Variants in UPF2 observed in about 807,000 individuals in gnomAD.
The protein encoded by UPF2 is regulator of nonsense transcripts 2.
Under a neutral mutation model 141.4 loss-of-function variants are expected in UPF2, and 17 were observed. That is an observed-to-expected ratio of 0.12 (90% CI 0.08 to 0.18). The LOEUF is 0.18. UPF2 is among the 10% of genes least tolerant of loss of function. The pLI is 1.00. For missense variants in UPF2, 1,152 were observed against 1,515.9 expected, an observed-to-expected ratio of 0.76 and a Z score of 3.99; for synonymous variants, 540 against 498.0, an observed-to-expected ratio of 1.08 and a Z score of -1.12.
At chr10:11,997,153 ATG>A (rs1317244041) in intron 8 of UPF2, among the ~76,000 whole-genome samples, 1 of 152,292 alleles carries the variant, frequency 6.6e-6, no homozygotes, top group African/African-American at 2.4e-5. Flanking sequence ...ATGCAACTGA[ATG>A]TGTGTCTTGA....
chr10:12,034,635 A>G (rs1834589466), intron 2 of UPF2, among the ~76,000 whole-genome samples: 1 of 152,168 alleles, frequency 6.6e-6, no homozygotes, highest in South Asian at 2.1e-4. Flanking sequence ...GTGAAACGCC[A>G]TCTCTACAAA....
intron 16 of UPF2, among the ~76,000 whole-genome samples, chr10:11,947,766 A>C (rs985993663): frequency 1.4e-5 from 2 of 146,406 alleles, no homozygotes; most frequent in Admixed American, 6.9e-5. Context: ...CAGCCTTGGC[A>C]ACAGAGAGAA....
At chr10:11,984,975 A>ATGTG (rs1833663357) in intron 8 of UPF2, among the ~76,000 whole-genome samples, 1 of 152,174 alleles carries the variant, frequency 6.6e-6, no homozygotes, top group South Asian at 2.1e-4. Context: ...GGCCTCCCAC[A>ATGTG]GTGCTGGGAT....
At position 11,964,183 on chromosome 10, in the gene UPF2, G is replaced by A. The variant is rs1833282757; in HGVS notation, c.2068-58C>T. 3.9e-5 allele frequency: 51 copies of A among 1,298,666 alleles called. 3 individuals are homozygous for A. The South Asian group carries it at 6.2e-4, about 16-fold the overall frequency. The allele number at this position is 1,298,666 out of a possible 1,614,324, so 80.4% of individuals were successfully genotyped here. ...GCAACTCTTCAATCCTAGTAGAGAAGAAATTATCATACATCTAATGTGTGT... is the reference window on the plus strand; with the variant it reads ...GCAACTCTTCAATCCTAGTAGAGAAAAAATTATCATACATCTAATGTGTGT... On this transcript the variant is annotated intron_variant, in intron 10 of 21. Transcript: ENST00000357604.
rs934985429 is a variant in UPF2 at position 11,959,521 on chromosome 10, A to G, written c.2185-165T>C. 6.6e-6 allele frequency among the ~76,000 whole-genome samples: 1 copy of G among 152,174 alleles called. No individual in the cohort carries two copies. Among genetic ancestry groups the G allele is most frequent in the African/African-American group, 2.4e-5 (1 of 41,444 alleles). ...ACACCTATAATCCCAGCACTTTGGG[A>G]GACTGAGATTGCAGGATCACTTGAA... On this transcript the variant is annotated intron_variant, in intron 11 of 21. Coordinates refer to ENST00000357604, the MANE Select transcript of UPF2 (RefSeq NM_015542.4). This position sits in a 1 kb window ranked among gnomAD's most constrained non-coding sequence, Gnocchi z 5.9.
In UPF2 at chr10:11,955,382, A is replaced by G; in HGVS notation, c.2700T>C (p.Gly900=). 1 of 1,614,196 alleles carries G rather than the reference A, an allele frequency of 6.2e-7. No homozygotes were observed. Among genetic ancestry groups the G allele is most frequent in the South Asian group, 1.1e-5 (1 of 91,090 alleles). ...FRTLYSFTSF[G]VNPDGSPSSL... Reference sequence around the variant, plus strand: ...AACTTGGAGAGCCATCAGGATTAACACCAAATGAGGTAAAAGAATACAGAG... The same window carrying G: ...AACTTGGAGAGCCATCAGGATTAACGCCAAATGAGGTAAAAGAATACAGAG... The change falls in exon 14 of 22, where the codon GGT becomes GGC. Residue 900 remains glycine (G), a synonymous_variant. Transcript: ENST00000357604.
chr10:11,967,952 T>C (rs1017159817), intron 9 of UPF2, among the ~76,000 whole-genome samples: 1 of 152,102 alleles, frequency 6.6e-6, no homozygotes, highest in Non-Finnish European at 1.5e-5. Flanking sequence ...GAGGCCGAGG[T>C]TGGCGGATCA....
At chr10:12,021,748 T>C (rs1267970173) in intron 3 of UPF2, among the ~76,000 whole-genome samples, 1 of 152,142 alleles carries the variant, frequency 6.6e-6, no homozygotes, top group East Asian at 1.9e-4. Flanking sequence ...ATGGACAAAA[T>C]CTTTAAAAGA....
intron 4 of UPF2, among the ~76,000 whole-genome samples, chr10:12,013,542 G>C (rs1306521075): frequency 1.3e-5 from 2 of 152,056 alleles, no homozygotes; most frequent in Non-Finnish European, 2.9e-5. Context: ...CAAAGTGCTA[G>C]GATTACAGGC....
At position 11,956,110 on chromosome 10, in the gene UPF2, G is replaced by A. The variant is rs1374731982; in HGVS notation, c.2574+210C>T. ...TGCAGCGAGCGGAGATCGTGCCAGT[G>A]CACTCCAGCCTGGGTGACACAGCGA... On this transcript the variant is annotated intron_variant, in intron 13 of 21. Coordinates refer to ENST00000357604, the MANE Select transcript of UPF2 (RefSeq NM_015542.4). The surrounding 1 kb of genome is among the most constrained non-coding windows in gnomAD (Gnocchi z 4.2). Among the ~76,000 whole-genome samples, 1 of 149,974 alleles carries A rather than the reference G, an allele frequency of 6.7e-6. No individual in the cohort carries two copies. The highest frequency in any genetic ancestry group is 1.5e-5 in the Non-Finnish European group (1 of 67,806).
intron 10 of UPF2, among the ~76,000 whole-genome samples, chr10:11,966,947 A>G (rs1833331248): frequency 2.0e-5 from 3 of 152,244 alleles, no homozygotes; most frequent in Admixed American, 6.5e-5. Flanking sequence ...TTTAACCTCT[A>G]TGATAATACA....
intron 8 of UPF2, among the ~76,000 whole-genome samples, chr10:11,990,121 TA>T (rs1218446813): frequency 2.0e-5 from 3 of 152,162 alleles, no homozygotes; most frequent in Non-Finnish European, 4.4e-5. Flanking sequence ...TGCTTCAAGG[TA>T]AATTACAGCA....
intron 8 of UPF2, among the ~76,000 whole-genome samples, chr10:11,991,355 C>T (rs1374537459): frequency 6.6e-6 from 1 of 152,032 alleles, no homozygotes; most frequent in African/African-American, 2.4e-5. Context: ...CAGAAAACAA[C>T]CACAGCACAG....
At chr10:11,942,939 G>A in intron 17 of UPF2, 125 bp downstream of exon 17, 1 of 927,284 alleles carries the variant, frequency 1.1e-6, no homozygotes, top group East Asian at 2.6e-5. Context: ...AAAACAAATT[G>A]AAAATGAATT....
At chr10:11,942,231 G>A (rs186836729) in intron 18 of UPF2, among the ~76,000 whole-genome samples, 2 of 152,250 alleles carry the variant, frequency 1.3e-5, no homozygotes, top group Admixed American at 6.5e-5. Context: ...AAATTAGCCC[G>A]GGGTGGTGGC....
intron 8 of UPF2, among the ~76,000 whole-genome samples, chr10:11,990,069 C>T (rs893290609): frequency 2.6e-5 from 4 of 152,006 alleles, no homozygotes; most frequent in African/African-American, 9.6e-5. Context: ...ACATGAACTT[C>T]GAAAAAAAAG....
intron 1 of UPF2, among the ~76,000 whole-genome samples, chr10:12,036,853 T>A (rs1318841565): frequency 6.6e-6 from 1 of 152,070 alleles, no homozygotes; most frequent in Non-Finnish European, 1.5e-5. Context: ...TGGAGAAATC[T>A]CGTCTCTACT....
At chr10:12,009,065 C>T (rs1167813886) in intron 4 of UPF2, among the ~76,000 whole-genome samples, 1 of 152,070 alleles carries the variant, frequency 6.6e-6, no homozygotes, top group Non-Finnish European at 1.5e-5. Context: ...TGTATATGTA[C>T]CACATTTTCT....
chr10:11,929,592 G>A (rs1409653981), intron 21 of UPF2, among the ~76,000 whole-genome samples: 1 of 152,032 alleles, frequency 6.6e-6, no homozygotes, highest in Non-Finnish European at 1.5e-5. Context: ...AGTGAGTTGC[G>A]ATTGTGCCAC....
Sources: gnomAD v4.1 joint callset for allele counts (sites outside exome capture counted in the v4.1 genomes callset) on GRCh38, gnomAD v4.1.1 for gene constraint, Gnocchi (gnomAD v3.1) non-coding constraint, MANE v1.5 for transcripts, NCBI Gene and HGNC (gene_info 2026-07-23, HGNC 2026-07-21) for gene names.